The following PDZRN3 variants were observed in gnomAD, a reference collection of about 807,000 sequenced individuals.
The protein encoded by PDZRN3 is E3 ubiquitin-protein ligase PDZRN3.
PDZRN3 carries 38 observed loss-of-function variants against 85.7 expected under a neutral mutation model. That is an observed-to-expected ratio of 0.44 (90% CI 0.34 to 0.58). PDZRN3 has a LOEUF of 0.58. Ranked by LOEUF, PDZRN3 falls within the 20% of genes least tolerant of loss-of-function variation. The pLI, the probability that PDZRN3 is intolerant of heterozygous loss-of-function variation, is 0.01. For missense variants in PDZRN3, 1,629 were observed against 1,506.4 expected (o/e 1.08, Z -1.35); for synonymous variants, 759 against 638.0 (o/e 1.19, Z -2.86).
intron 3 of PDZRN3, among the ~76,000 whole-genome samples, chr3:73,542,423 A>G (rs902896993): frequency 6.6e-6 from 1 of 152,206 alleles, no homozygotes; most frequent in East Asian, 1.9e-4. Context: ...GGAGATTTAT[A>G]GGTTAAATGT....
At chr3:73,543,494 A>G (rs1701336655) in intron 3 of PDZRN3, among the ~76,000 whole-genome samples, 1 of 152,244 alleles carries the variant, frequency 6.6e-6, no homozygotes, top group Non-Finnish European at 1.5e-5. Context: ...TTTACAATGG[A>G]AGAATTTATT....
intron 3 of PDZRN3, among the ~76,000 whole-genome samples, chr3:73,559,459 C>G (rs184219493): frequency 1.3e-5 from 2 of 152,138 alleles, no homozygotes; most frequent in African/African-American, 4.8e-5. Context: ...GAAAACCTTC[C>G]GAACTTGTCT....
chr3:73,540,589 T>A (rs560244073), intron 3 of PDZRN3, among the ~76,000 whole-genome samples: 8 of 152,254 alleles, frequency 5.3e-5, no homozygotes, highest in African/African-American at 1.9e-4. Flanking sequence ...TCTCACAAGA[T>A]CTGATGGTTT....
At chr3:73,412,748 C>T (rs1366690330) in intron 3 of PDZRN3, among the ~76,000 whole-genome samples, 1 of 152,180 alleles carries the variant, frequency 6.6e-6, no homozygotes, top group Non-Finnish European at 1.5e-5. Flanking sequence ...ATTAATTAGG[C>T]TCTGCATAGA....
Position 73,387,951 on chromosome 3 carries a change from G to C in PDZRN3, c.1518+17C>G. On this transcript the variant is annotated intron_variant, in intron 8 of 9. Coordinates refer to ENST00000263666, the MANE Select transcript of PDZRN3 (RefSeq NM_015009.3). ...TAGAAATATAGACCCAGTTTCATCT[G>C]TAGGAAGCCAATTTACCTGGAGTTC... The C allele has an allele frequency of 8.0e-7, 1 of 1,244,306 alleles. No homozygotes were observed. The highest frequency in any genetic ancestry group is 2.3e-5 in the East Asian group (1 of 42,816). 77.1% of individuals were successfully genotyped at this position (1,244,306 alleles called of 1,614,324 possible). A position where few individuals can be genotyped will look rare whatever the true frequency, so the allele number is the denominator to read the frequency against.
chr3:73,464,967 TCTTA>T (rs1310730369), intron 3 of PDZRN3, among the ~76,000 whole-genome samples: 1 of 152,242 alleles, frequency 6.6e-6, no homozygotes, highest in African/African-American at 2.4e-5. Context: ...AACTTATTCC[TCTTA>T]TTTAAGTGAA....
intron 3 of PDZRN3, among the ~76,000 whole-genome samples, chr3:73,513,359 C>G (rs1265369901): frequency 6.6e-6 from 1 of 152,160 alleles, no homozygotes; most frequent in African/African-American, 2.4e-5. Context: ...GAAGATTAGG[C>G]ATGGCGGTGA....
At chr3:73,399,914 G>A (rs1244576473) in intron 5 of PDZRN3, among the ~76,000 whole-genome samples, 1 of 152,190 alleles carries the variant, frequency 6.6e-6, no homozygotes, top group African/African-American at 2.4e-5. Flanking sequence ...TTTAACTTCT[G>A]TCTTGGAATG....
intron 3 of PDZRN3, among the ~76,000 whole-genome samples, chr3:73,469,125 G>A (rs571565851): frequency 6.6e-6 from 1 of 150,614 alleles, no homozygotes; most frequent in Non-Finnish European, 1.5e-5. Flanking sequence ...CCAGGCTAGA[G>A]TGCAGTGGCA....
chr3:73,408,425 T>C (rs1267429967), intron 3 of PDZRN3, among the ~76,000 whole-genome samples: 1 of 152,148 alleles, frequency 6.6e-6, no homozygotes, highest in African/African-American at 2.4e-5. Context: ...AAACAATCTA[T>C]AAATCAAAGA....
Position 73,536,619 on chromosome 3 carries a change from C to T in PDZRN3, c.918+65735G>A, listed in dbSNP as rs959492655. On this transcript the variant is annotated intron_variant, in intron 3 of 9. Transcript: ENST00000263666. ...GAGAACTTATTTTAAGAAACAAAGGCTTCTTTAAACCAATATACGTAATTT... is the reference window on the plus strand; with the variant it reads ...GAGAACTTATTTTAAGAAACAAAGGTTTCTTTAAACCAATATACGTAATTT... Among the ~76,000 whole-genome samples the T allele has an allele frequency of 2.0e-5, 3 of 152,324 alleles. No homozygotes were observed. The East Asian group carries it at 5.8e-4, about 29-fold the overall frequency.
chr3:73,618,273 G>A (rs1702796143), intron 1 of PDZRN3, among the ~76,000 whole-genome samples: 1 of 152,152 alleles, frequency 6.6e-6, no homozygotes, highest in Non-Finnish European at 1.5e-5. Flanking sequence ...AATAATGCAT[G>A]TACACCTCCA....
intron 3 of PDZRN3, among the ~76,000 whole-genome samples, chr3:73,479,605 T>C (rs1265093923): frequency 6.6e-6 from 1 of 152,188 alleles, no homozygotes; most frequent in African/African-American, 2.4e-5. Flanking sequence ...AAAATGGTCT[T>C]TGTAATAAGA....
At chr3:73,416,875 G>T (rs28525269) in intron 3 of PDZRN3, among the ~76,000 whole-genome samples, 553 of 40,596 alleles carry the variant, frequency 0.014, 8 homozygotes, top group African/African-American at 0.038. Flanking sequence ...GTTTTTTTTT[G>T]GTTTTTTTTT....
Position 73,388,073 on chromosome 3 carries a change from T to TAA in PDZRN3, c.1417-5_1417-4insTT. ...TCTGCACCTCTATCCCATTAATCTTTTAAAAAAAAAGGGGGGGTGGGGAGA... is the reference window on the plus strand; with the variant it reads ...TCTGCACCTCTATCCCATTAATCTTTAATAAAAAAAAAGGGGGGGTGGGGAGA... On this transcript the variant is annotated splice_region_variant and splice_polypyrimidine_tract_variant and intron_variant, in intron 7 of 9. Coordinates refer to ENST00000263666, the MANE Select transcript of PDZRN3 (RefSeq NM_015009.3). The TAA allele has an allele frequency of 7.8e-6, 7 of 893,186 alleles. No homozygotes were observed. The highest frequency in any genetic ancestry group is 1.6e-5 in the South Asian group (1 of 64,450). 55.3% of individuals were successfully genotyped at this position (893,186 alleles called of 1,614,324 possible). A position where few individuals can be genotyped will look rare whatever the true frequency, so the allele number is the denominator to read the frequency against.
intron 3 of PDZRN3, among the ~76,000 whole-genome samples, chr3:73,583,112 C>T (rs1446418481): frequency 2.6e-5 from 4 of 152,282 alleles, no homozygotes; most frequent in East Asian, 1.9e-4. Context: ...CTTCTAACAG[C>T]CCCTAACATC....
In PDZRN3 at chr3:73,475,526, G is replaced by A. The variant is rs183200227; in HGVS notation, c.919-71131C>T. 5.6e-3 allele frequency among the ~76,000 whole-genome samples: 852 copies of A among 152,278 alleles called. 9 individuals carry two copies. Among genetic ancestry groups the A allele is most frequent in the Non-Finnish European group, 5.2e-3 (353 of 68,012 alleles). On this transcript the variant is annotated intron_variant, in intron 3 of 9. Coordinates refer to ENST00000263666, the MANE Select transcript of PDZRN3 (RefSeq NM_015009.3). ...CTCATAAAATAAACCTCTCAAAGTT[G>A]TAAATTAAAAAATAAACATTCTTGA...
chr3:73,606,610 A>G (rs1282099313), intron 2 of PDZRN3, among the ~76,000 whole-genome samples: 1 of 152,216 alleles, frequency 6.6e-6, no homozygotes, highest in Admixed American at 6.5e-5. Context: ...CCACAGAGCG[A>G]ATGCAAGAAA....
chr3:73,493,871 G>C (rs1703820376), intron 3 of PDZRN3, among the ~76,000 whole-genome samples: 1 of 152,192 alleles, frequency 6.6e-6, no homozygotes, highest in Non-Finnish European at 1.5e-5. Context: ...GGCTGTGACA[G>C]GATCAATCTT....
Sources: gnomAD v4.1 joint callset for allele counts (sites outside exome capture counted in the v4.1 genomes callset) on GRCh38, gnomAD v4.1.1 for gene constraint, MANE v1.5 for transcripts, NCBI Gene and HGNC (gene_info 2026-07-23, HGNC 2026-07-21) for gene names.